Variants in SPATA31H1 observed in about 807,000 individuals in gnomAD.
The protein encoded by SPATA31H1 is SPATA31 subfamily H member 1.
the SPATA31H1 span, among the ~76,000 whole-genome samples, chr2:27,562,482 G>A: frequency 6.8e-6 from 1 of 148,020 alleles, no homozygotes; most frequent in East Asian, 2.0e-4. Flanking sequence ...CTGCACTCCA[G>A]CCTAGGCAAC....
At chr2:27,575,340 A>G in the SPATA31H1 span, 1 of 398,542 alleles carries the variant, frequency 2.5e-6, no homozygotes, top group Non-Finnish European at 4.4e-6. The surrounding 1 kb of genome is among the most constrained non-coding windows in gnomAD (Gnocchi z 4.1). Context: ...TGTAAAATTT[A>G]TGGTGTTCAA....
At chr2:27,572,427 T>C in the SPATA31H1 span, 1 of 398,322 alleles carries the variant, frequency 2.5e-6, no homozygotes, top group Non-Finnish European at 4.4e-6. Context: ...ACCTGCAGAA[T>C]TGAAACTTTC....
chr2:27,573,292 G>T, the SPATA31H1 span: 21,354 of 397,940 alleles, frequency 0.054, 725 homozygotes, highest in Non-Finnish European at 0.068. Flanking sequence ...CAGCTTCAAG[G>T]TGTAAAAGAT....
At chr2:27,558,858 C>G in the SPATA31H1 span, among the ~76,000 whole-genome samples, 1 of 106,392 alleles carries the variant, frequency 9.4e-6, no homozygotes, top group South Asian at 4.4e-4. Context: ...GCAGTACCGT[C>G]CAGCCTTGGC....
the SPATA31H1 span, chr2:27,567,916 T>C: frequency 2.5e-6 from 1 of 398,996 alleles, no homozygotes. Context: ...GCGGGTTTGT[T>C]CTCACAGCTG....
chr2:27,566,986 C>A, the SPATA31H1 span: 1 of 717,632 alleles, frequency 1.4e-6, no homozygotes. Flanking sequence ...AAAAAGCAAT[C>A]CTCTGTGTTC....
At chr2:27,550,678 C>T in the SPATA31H1 span, among the ~76,000 whole-genome samples, 1 of 151,756 alleles carries the variant, frequency 6.6e-6, no homozygotes, top group African/African-American at 2.4e-5. Context: ...CTTGACATCC[C>T]AAAGTGCTGA....
chr2:27,565,274 G>A, the SPATA31H1 span: 2 of 704,104 alleles, frequency 2.8e-6, no homozygotes, highest in Non-Finnish European at 5.3e-6. Context: ...GAGAAGTGCT[G>A]TCAATAAAGT....
the SPATA31H1 span, chr2:27,580,096 G>T: frequency 6.2e-7 from 1 of 1,614,136 alleles, no homozygotes; most frequent in African/African-American, 1.3e-5. Context: ...ATTGGGAAAA[G>T]ATCCCAAATC....
chr2:27,547,703 T>C, the SPATA31H1 span, among the ~76,000 whole-genome samples: 9 of 152,036 alleles, frequency 5.9e-5, no homozygotes, highest in Non-Finnish European at 1.3e-4. Context: ...TTTATCTCAA[T>C]AATAGTTTTC....
the SPATA31H1 span, among the ~76,000 whole-genome samples, chr2:27,555,353 T>A: frequency 6.6e-6 from 1 of 151,954 alleles, no homozygotes; most frequent in African/African-American, 2.4e-5. Context: ...TTGCCTTAAA[T>A]TTTGAAGGGT....
At chr2:27,567,284 A>C in the SPATA31H1 span, 1 of 591,290 alleles carries the variant, frequency 1.7e-6, no homozygotes, top group Admixed American at 3.0e-5. Flanking sequence ...GGGAGCTAGA[A>C]GGACATATGT....
At chr2:27,569,928 C>T in the SPATA31H1 span, 2 of 398,750 alleles carry the variant, frequency 5.0e-6, no homozygotes, top group African/African-American at 4.1e-5. Context: ...CTCACAACCC[C>T]CACATTATGG....
chr2:27,581,174 C>CA, the SPATA31H1 span: 2 of 1,614,218 alleles, frequency 1.2e-6, no homozygotes, highest in Non-Finnish European at 1.7e-6. Context: ...AAGACAAACT[C>CA]ACACACAAGG....
At chr2:27,558,767 G>GTGGCA in the SPATA31H1 span, among the ~76,000 whole-genome samples, 4 of 96,662 alleles carry the variant, frequency 4.1e-5, no homozygotes, top group African/African-American at 1.7e-4. Flanking sequence ...CAGGCGTGGC[G>GTGGCA]GTGCGCGCCT....
chr2:27,576,412 T>C, the SPATA31H1 span: 1 of 598,686 alleles, frequency 1.7e-6, no homozygotes, highest in South Asian at 2.4e-5. Flanking sequence ...TCTGTGGTAT[T>C]TGTACCAGAG....
the SPATA31H1 span, chr2:27,574,129 G>A: frequency 2.5e-6 from 1 of 398,514 alleles, no homozygotes; most frequent in Non-Finnish European, 4.4e-6. Flanking sequence ...CAGTTGCAAG[G>A]AGTGAAATCT....
chr2:27,555,486 A>G, the SPATA31H1 span, among the ~76,000 whole-genome samples: 1 of 151,940 alleles, frequency 6.6e-6, no homozygotes, highest in South Asian at 2.1e-4. Flanking sequence ...AGCATGGGAA[A>G]CACAGTAAGA....
the SPATA31H1 span, among the ~76,000 whole-genome samples, chr2:27,551,166 A>C: frequency 3.2e-4 from 49 of 152,176 alleles, no homozygotes; most frequent in Non-Finnish European, 5.7e-4. Context: ...CTGGGATTAC[A>C]GGTGTGAGCC....
Sources: allele counts gnomAD v4.1 joint callset (sites outside exome capture counted in the v4.1 genomes callset), GRCh38; gene constraint gnomAD v4.1.1; non-coding constraint Gnocchi (gnomAD v3.1); transcripts MANE v1.5; gene names NCBI Gene and HGNC (gene_info 2026-07-23, HGNC 2026-07-21).